The following PRDM16 variants were observed in gnomAD, a reference collection of about 807,000 sequenced individuals.
The protein encoded by PRDM16 is histone-lysine N-methyltransferase PRDM16.
In PRDM16, 23 loss-of-function variants were observed where a neutral mutation model predicts 110.6. That is an observed-to-expected ratio of 0.21 (90% CI 0.15 to 0.29). PRDM16 has a LOEUF of 0.29. PRDM16 is among the 10% of genes least tolerant of loss of function. The probability of loss-of-function intolerance (pLI) is 1.00; values close to 1 mark genes in which losing one functional copy is unlikely to be tolerated. For missense variants in PRDM16, 1,615 were observed against 1,794.3 expected (o/e 0.90, Z 1.81); for synonymous variants, 799 against 781.8 (o/e 1.02, Z -0.37).
intron 1 of PRDM16, among the ~76,000 whole-genome samples, chr1:3,142,015 C>T (rs1160926621): frequency 1.3e-5 from 2 of 152,274 alleles, no homozygotes; most frequent in South Asian, 2.1e-4. Flanking sequence ...GTGCATTCGT[C>T]AGCCATGGGG....
Position 3,121,729 on chromosome 1 carries a change from C to T in PRDM16, c.37+52433C>T, listed in dbSNP as rs553509245. Among the ~76,000 whole-genome samples the T allele has an allele frequency of 2.0e-4, 30 of 152,366 alleles. No individual in the cohort carries two copies. In the East Asian group the frequency reaches 5.6e-3, roughly 28 times the overall value. Reference sequence around the variant, plus strand: ...AAGTGCCGCCGACAGCCTTGGGGGACAGCGGCCCTCCACCTCGGCTGCGCG... The same window carrying T: ...AAGTGCCGCCGACAGCCTTGGGGGATAGCGGCCCTCCACCTCGGCTGCGCG... On this transcript the variant is annotated intron_variant, in intron 1 of 16. Transcript: ENST00000270722.
intron 1 of PRDM16, among the ~76,000 whole-genome samples, chr1:3,185,811 G>A (rs576268075): frequency 2.6e-5 from 4 of 152,232 alleles, no homozygotes; most frequent in Admixed American, 6.5e-5. Flanking sequence ...AGGACCACCC[G>A]GCGCATCCTC....
At chr1:3,298,940 T>G (rs1024297835) in intron 3 of PRDM16, among the ~76,000 whole-genome samples, 3 of 152,174 alleles carry the variant, frequency 2.0e-5, no homozygotes, top group African/African-American at 7.2e-5. Flanking sequence ...TCAGGCTGGG[T>G]CTCCTCCCGT....
chr1:3,436,787 G>C lies in PRDM16; in HGVS notation c.*2976G>C, dbSNP rs866899210. The C allele has an allele frequency of 4.3e-6, 1 of 233,122 alleles. No individual in the cohort carries two copies. Among genetic ancestry groups the C allele is most frequent in the Non-Finnish European group, 8.5e-6 (1 of 118,026 alleles). 14.4% of individuals were successfully genotyped at this position (233,122 alleles called of 1,614,324 possible). ...GTGCAGCATGGACAGGGATGCGACG[G>C]GGCAGCTGGCTGTGTCCATGGCCAG... On this transcript the variant is annotated 3_prime_UTR_variant, in exon 17 of 17. Transcript: ENST00000270722.
rs529069569 is a variant in PRDM16, at chr1:3,436,311, G to A, written c.*2500G>A. On this transcript the variant is annotated 3_prime_UTR_variant, in exon 17 of 17. Coordinates refer to ENST00000270722, the MANE Select transcript of PRDM16 (RefSeq NM_022114.4). ...AGAACCGATGAGAGCCGCCCTTACCGTTGGTCTCCGGATCCCCCAGTCCCA... is the reference window on the plus strand; with the variant it reads ...AGAACCGATGAGAGCCGCCCTTACCATTGGTCTCCGGATCCCCCAGTCCCA... 9.1e-5 allele frequency: 21 copies of A among 230,808 alleles called. No individual in the cohort carries two copies. The highest frequency in any genetic ancestry group is 2.2e-4 in the African/African-American group (10 of 45,226). The allele number at this position is 230,808 out of a possible 1,614,324, so 14.3% of individuals were successfully genotyped here. A position where few individuals can be genotyped will look rare whatever the true frequency, so the allele number is the denominator to read the frequency against.
Position 3,290,964 on chromosome 1 carries a change from TG to T in PRDM16, c.438+46828del, listed in dbSNP as rs1476311559. ...GGGGGCCTTATTAACCTTCTTACGA[TG>T]TGATAGGAGCGGCTTGGCCTCCTGA... On this transcript the variant is annotated intron_variant, in intron 3 of 16. Coordinates refer to ENST00000270722, the MANE Select transcript of PRDM16 (RefSeq NM_022114.4). This position sits in a 1 kb window ranked among gnomAD's most constrained non-coding sequence, Gnocchi z 4.8. Among the ~76,000 whole-genome samples, 1 of 151,966 alleles carries T rather than the reference TG, an allele frequency of 6.6e-6. No individual in the cohort carries two copies. The highest frequency in any genetic ancestry group is 1.5e-5 in the Non-Finnish European group (1 of 67,980).
intron 3 of PRDM16, among the ~76,000 whole-genome samples, chr1:3,277,755 A>G (rs142845472): frequency 1.6e-5 from 2 of 125,794 alleles, no homozygotes; most frequent in Non-Finnish European, 3.7e-5. Flanking sequence ...ACGCACACAC[A>G]TGCACACACG....
chr1:3,400,243 C>T (rs1446846122), intron 5 of PRDM16, among the ~76,000 whole-genome samples: 6 of 152,322 alleles, frequency 3.9e-5, no homozygotes, highest in Middle Eastern at 3.4e-3. Context: ...AGCGGGCATG[C>T]GAATACTGTC....
intron 2 of PRDM16, among the ~76,000 whole-genome samples, chr1:3,204,139 C>T (rs79511910): frequency 0.026 from 3,910 of 152,258 alleles, 165 homozygotes; most frequent in South Asian, 0.21. Context: ...TTAAGGCCGG[C>T]GTTTTTAGCC....
intron 3 of PRDM16, among the ~76,000 whole-genome samples, chr1:3,349,469 C>T (rs1303887980): frequency 6.6e-6 from 1 of 152,218 alleles, no homozygotes; most frequent in East Asian, 1.9e-4. Flanking sequence ...CGTCTCCACC[C>T]AGCACCCAGT....
intron 10 of PRDM16, among the ~76,000 whole-genome samples, chr1:3,416,043 C>T (rs890718543): frequency 6.6e-6 from 1 of 152,186 alleles, no homozygotes; most frequent in Non-Finnish European, 1.5e-5. Context: ...ATGCCTGCCT[C>T]GCAGGGGCGG....
At chr1:3,299,151 C>G (rs1165843948) in intron 3 of PRDM16, among the ~76,000 whole-genome samples, 2 of 151,812 alleles carry the variant, frequency 1.3e-5, no homozygotes, top group Admixed American at 1.3e-4. Flanking sequence ...GTGGCTCTGC[C>G]CTGGTTGAAG....
Position 3,143,466 on chromosome 1 carries a change from T to C in PRDM16, c.38-42659T>C, listed in dbSNP as rs563191840. Among the ~76,000 whole-genome samples, 3 of 152,238 alleles carry C rather than the reference T, an allele frequency of 2.0e-5. No individual in the cohort carries two copies. The highest frequency in any genetic ancestry group is 2.0e-4 in the Admixed American group (3 of 15,298). On this transcript the variant is annotated intron_variant, in intron 1 of 16. Transcript: ENST00000270722. This position sits in a 1 kb window ranked among gnomAD's most constrained non-coding sequence, Gnocchi z 4.5. ...GCAAAGCAAATGACATTTGAAACTT[T>C]ATTATTAGTATTATTATTATCATTT... is the stretch of plus-strand genomic sequence containing the variant.
rs1642236928 is a variant in PRDM16 at position 3,339,861 on chromosome 1, G to A, written c.439-45291G>A. Among the ~76,000 whole-genome samples the A allele has an allele frequency of 6.6e-6, 1 of 152,222 alleles. No homozygotes were observed. Reference sequence around the variant, plus strand: ...CACTCTGGCCAGGGCCGGTGCTAGGGCAGCCCAGCTCAGTCCCATAGGAAG... The same window carrying A: ...CACTCTGGCCAGGGCCGGTGCTAGGACAGCCCAGCTCAGTCCCATAGGAAG... On this transcript the variant is annotated intron_variant, in intron 3 of 16. Coordinates refer to ENST00000270722, the MANE Select transcript of PRDM16 (RefSeq NM_022114.4). This position sits in a 1 kb window ranked among gnomAD's most constrained non-coding sequence, Gnocchi z 5.0.
chr1:3,090,455 G>A (rs2981877), intron 1 of PRDM16, among the ~76,000 whole-genome samples: 4,077 of 152,278 alleles, frequency 0.027, 160 homozygotes, highest in African/African-American at 0.093. Flanking sequence ...CACACAGGCC[G>A]GGCGACTGGC....
At chr1:3,391,802 G>A (rs1404710463) in intron 4 of PRDM16, among the ~76,000 whole-genome samples, 4 of 152,224 alleles carry the variant, frequency 2.6e-5, no homozygotes, top group Non-Finnish European at 4.4e-5. Context: ...GGAGGAAGCC[G>A]GAAATTGAGG....
intron 12 of PRDM16, among the ~76,000 whole-genome samples, chr1:3,419,794 C>A (rs2100679811): frequency 6.6e-6 from 1 of 152,114 alleles, no homozygotes; most frequent in African/African-American, 2.4e-5. Context: ...GGTCACTGAC[C>A]CCCACTCTGA....
At chr1:3,221,135 C>T (rs1112213) in intron 2 of PRDM16, among the ~76,000 whole-genome samples, 9,450 of 152,202 alleles carry the variant, frequency 0.062, 641 homozygotes, top group African/African-American at 0.16. Flanking sequence ...GGCCTTGGGA[C>T]GTGTGCAACC....
chr1:3,282,647 A>G (rs142538665), intron 3 of PRDM16, among the ~76,000 whole-genome samples: 1 of 152,264 alleles, frequency 6.6e-6, no homozygotes, highest in Non-Finnish European at 1.5e-5. Flanking sequence ...GTGTCTGGAA[A>G]AAACTCGCCA....
Sources: allele counts gnomAD v4.1 joint callset (sites outside exome capture counted in the v4.1 genomes callset), GRCh38; gene constraint gnomAD v4.1.1; non-coding constraint Gnocchi (gnomAD v3.1); transcripts MANE v1.5; gene names NCBI Gene and HGNC (gene_info 2026-07-23, HGNC 2026-07-21).